The following DYNC1H1 variants were observed in gnomAD, a reference collection of about 807,000 sequenced individuals.
The protein encoded by DYNC1H1 is dynein cytoplasmic 1 heavy chain 1.
Under a neutral mutation model 527.1 loss-of-function variants are expected in DYNC1H1, and 51 were observed. The ratio of observed to expected loss-of-function variants is 0.10; its 90% confidence interval spans 0.08 to 0.12. The LOEUF (loss-of-function observed/expected upper bound fraction) is 0.12. DYNC1H1 is among the 10% of genes least tolerant of loss of function. The pLI is 1.00. For missense variants in DYNC1H1, 2,771 were observed against 5,971.8 expected (o/e 0.46, Z 17.66); for synonymous variants, 2,189 against 2,278.8 (o/e 0.96, Z 1.12).
intron 29 of DYNC1H1, 79 bp from the exon 30 acceptor site, chr14:102,009,764 T>G (rs2048237600): frequency 1.2e-6 from 2 of 1,607,980 alleles, no homozygotes; most frequent in Non-Finnish European, 1.7e-6. Flanking sequence ...CTTTGTCTGT[T>G]GTTTTAGAGA....
chr14:102,047,641 G>GTGTATATATATATATATATA lies in DYNC1H1; in HGVS notation c.13007-175_13007-174insGTATATATATATATATATAT. On this transcript the variant is annotated intron_variant, in intron 72 of 77. Transcript: ENST00000360184. Reference sequence around the variant, plus strand: ...TACACGTGTGTGTGTGTGTGTGTGTGTATATATATATATATATATATATGT... The same window carrying GTGTATATATATATATATATA: ...TACACGTGTGTGTGTGTGTGTGTGTGTGTATATATATATATATATATATATATATATATATATATATATGT... The GTGTATATATATATATATATA allele has an allele frequency of 6.2e-4, 197 of 316,694 alleles. 3 individuals are homozygous for GTGTATATATATATATATATA. The highest frequency in any genetic ancestry group is 4.9e-3 in the East Asian group (71 of 14,538). The allele number at this position is 316,694 out of a possible 1,614,324, so 19.6% of individuals were successfully genotyped here.
intron 34 of DYNC1H1, 148 bp from the exon 35 acceptor site, chr14:102,014,957 A>T: frequency 1.2e-6 from 1 of 855,692 alleles, no homozygotes. Flanking sequence ...CTGCAATTAC[A>T]GGCACACGCC....
intron 69 of DYNC1H1, chr14:102,043,106 A>G: frequency 2.9e-6 from 1 of 346,148 alleles, no homozygotes. Flanking sequence ...ACATGGTGAA[A>G]CTCCGTCTCT....
chr14:101,978,727 A>T (rs114530867), intron 2 of DYNC1H1, among the ~76,000 whole-genome samples: 24 of 152,314 alleles, frequency 1.6e-4, no homozygotes, highest in African/African-American at 5.8e-4. Flanking sequence ...AAGACTGGAG[A>T]GATTGCTTCT....
In DYNC1H1 at chr14:102,032,224, CTA is replaced by C. The variant is rs751088598; in HGVS notation, c.9884-46_9884-45del. On this transcript the variant is annotated intron_variant, in intron 51 of 77. Coordinates refer to ENST00000360184, the MANE Select transcript of DYNC1H1 (RefSeq NM_001376.5). ...TGGTTCATTCTCACCATGCTTTGCT[CTA>C]TCTTCTCCCACCCATCGACCCTCAT... The C allele has an allele frequency of 1.9e-6, 3 of 1,610,736 alleles. No homozygotes were observed. In the Admixed American group the frequency reaches 5.0e-5, roughly 27 times the overall value.
intron 10 of DYNC1H1, among the ~76,000 whole-genome samples, chr14:101,989,504 A>G (rs1389983644): frequency 6.6e-6 from 1 of 152,216 alleles, no homozygotes; most frequent in Non-Finnish European, 1.5e-5. Context: ...AGTAGGCCCT[A>G]TCTGCTGCTA....
At position 101,987,478 on chromosome 14, in the gene DYNC1H1, A is replaced by C; in HGVS notation, c.2564A>C (p.Glu855Ala). 1 of 1,614,170 alleles carries C rather than the reference A, an allele frequency of 6.2e-7. No homozygotes were observed. Among genetic ancestry groups the C allele is most frequent in the Non-Finnish European group, 8.5e-7 (1 of 1,180,012 alleles). The part of the protein sequence containing the change: ...EKVDDLLIIE[E>A]KIDLEVRSLE... ...GTGGATGATCTGCTGATCATTGAAG[A>C]AAAAATAGACCTAGAAGTCCGTTCC... Residue 855 changes from glutamate to alanine, a missense_variant, in exon 9 of 78, where the codon GAA becomes GCA. By Grantham distance (107) the Glu-to-Ala change is moderately radical. This residue lies in a region of DYNC1H1 where 179 missense variants were observed against 349.4 expected (regional missense o/e 0.51). Coordinates refer to ENST00000360184, the MANE Select transcript of DYNC1H1 (RefSeq NM_001376.5).
chr14:102,044,274 G>A lies in DYNC1H1; in HGVS notation c.12685G>A (p.Gly4229Ser). 1.2e-6 allele frequency: 2 copies of A among 1,613,944 alleles called. No individual in the cohort carries two copies. The highest frequency in any genetic ancestry group is 1.1e-5 in the South Asian group (1 of 91,072). ...VDTWLDDTAK[G>S]RQNISPDKIP... ...ACGAACCCTGCTTTTCCTCCCCCAGGGCAGGCAGAACATCTCACCGGATAA... is the reference window on the plus strand; with the variant it reads ...ACGAACCCTGCTTTTCCTCCCCCAGAGCAGGCAGAACATCTCACCGGATAA... Residue 4229 changes from glycine (G) to serine (S), a missense_variant and splice_region_variant, in exon 71 of 78, where the codon GGC (glycine) becomes AGC (serine). By Grantham distance (56) the Gly-to-Ser change is moderately conservative. Around this residue, in one of 32 missense-constraint regions of DYNC1H1, gnomAD observed 195 missense variants for 428.6 expected, o/e 0.45. Coordinates refer to ENST00000360184, the MANE Select transcript of DYNC1H1 (RefSeq NM_001376.5). This position sits in a 1 kb window ranked among gnomAD's most constrained non-coding sequence, Gnocchi z 7.1.
intron 43 of DYNC1H1, among the ~76,000 whole-genome samples, chr14:102,024,759 T>A (rs1205185258): frequency 6.7e-6 from 1 of 149,594 alleles, no homozygotes; most frequent in African/African-American, 2.5e-5. Context: ...CAGTGGTGCT[T>A]TCTCGGCTCA....
rs2048252293 is a variant in DYNC1H1 at position 102,010,983 on chromosome 14, C to T, written c.6618+31C>T. 1.2e-6 allele frequency: 2 copies of T among 1,611,112 alleles called. No homozygotes were observed. Among genetic ancestry groups the T allele is most frequent in the Non-Finnish European group, 1.7e-6 (2 of 1,177,372 alleles). On this transcript the variant is annotated intron_variant, in intron 32 of 77. Coordinates refer to ENST00000360184, the MANE Select transcript of DYNC1H1 (RefSeq NM_001376.5). This position sits in a 1 kb window ranked among gnomAD's most constrained non-coding sequence, Gnocchi z 6.0. ...TTGGATTGTTTCACTGGCCACTGCCCTCACAGACCCTGCTGGCTTTAGTGT... is the reference window on the plus strand; with the variant it reads ...TTGGATTGTTTCACTGGCCACTGCCTTCACAGACCCTGCTGGCTTTAGTGT...
At position 102,017,597 on chromosome 14, in the gene DYNC1H1, A is replaced by G. The variant is rs1315416628; in HGVS notation, c.8177+93A>G. ...CCACAAAAACCTGGTTTTGATAATA[A>G]AGACAACAATACTGCTTATTGTGGA... On this transcript the variant is annotated intron_variant, in intron 40 of 77. Transcript: ENST00000360184. The surrounding 1 kb of genome is among the most constrained non-coding windows in gnomAD (Gnocchi z 4.6). The G allele has an allele frequency of 1.3e-6, 2 of 1,599,858 alleles. No individual in the cohort carries two copies. The highest frequency in any genetic ancestry group is 2.7e-5 in the African/African-American group (2 of 74,528).
Position 102,027,852 on chromosome 14 carries a change from G to C in DYNC1H1, c.9263+19G>C. ...TCAACAGGTACGTGGGCCTTTACTT[G>C]GCTCTGGGTCAGGAAAGTCGGTGTC... On this transcript the variant is annotated intron_variant, in intron 47 of 77. Coordinates refer to ENST00000360184, the MANE Select transcript of DYNC1H1 (RefSeq NM_001376.5). The surrounding 1 kb of genome is among the most constrained non-coding windows in gnomAD (Gnocchi z 7.7). 1 of 1,614,154 alleles carries C rather than the reference G, an allele frequency of 6.2e-7. No individual in the cohort carries two copies. The highest frequency in any genetic ancestry group is 2.2e-5 in the East Asian group (1 of 44,880).
chr14:102,044,538 T>C lies in DYNC1H1; in HGVS notation c.12902+47T>C. ...TGGAGACAGTTGTGATGTCAGGGCGTCTGGTGTCACTCAGAGGTGACCCCT... is the reference window on the plus strand; with the variant it reads ...TGGAGACAGTTGTGATGTCAGGGCGCCTGGTGTCACTCAGAGGTGACCCCT... On this transcript the variant is annotated intron_variant, in intron 71 of 77. Coordinates refer to ENST00000360184, the MANE Select transcript of DYNC1H1 (RefSeq NM_001376.5). This position sits in a 1 kb window ranked among gnomAD's most constrained non-coding sequence, Gnocchi z 7.1. The C allele has an allele frequency of 6.2e-7, 1 of 1,614,068 alleles. No individual in the cohort carries two copies. The highest frequency in any genetic ancestry group is 2.2e-5 in the East Asian group (1 of 44,886).
In DYNC1H1 at chr14:101,987,494, A is replaced by G. The variant is rs1343789593; in HGVS notation, c.2580A>G (p.Glu860=). 6.2e-7 allele frequency: 1 copy of G among 1,614,070 alleles called. No homozygotes were observed. The highest frequency in any genetic ancestry group is 1.7e-5 in the Admixed American group (1 of 60,004). The change falls in exon 9 of 78, where the codon GAA becomes GAG. Residue 860 remains glutamate (E), a synonymous_variant. Transcript: ENST00000360184. The part of the protein sequence containing the change: ...LLIIEEKIDL[E]VRSLETCMYD... ...TCATTGAAGAAAAAATAGACCTAGA[A>G]GTCCGTTCCTTGGAAACTTGTATGT...
rs779821662 is a variant in DYNC1H1, at chr14:102,010,874, G to A, written c.6540G>A (p.Glu2180=). 10 of 1,614,250 alleles carry A rather than the reference G, an allele frequency of 6.2e-6. No homozygotes were observed. The Admixed American group carries it at 1.7e-4, about 27-fold the overall frequency. Residue 2180 remains glutamate, a synonymous_variant, in exon 32 of 78, where the codon GAG becomes GAA. Coordinates refer to ENST00000360184, the MANE Select transcript of DYNC1H1 (RefSeq NM_001376.5). This position sits in a 1 kb window ranked among gnomAD's most constrained non-coding sequence, Gnocchi z 6.0. ...YHRGEMTALR[E]ELKKVCQEMY... ...GGGGTGAGATGACTGCCCTTCGAGA[G>A]GAGCTGAAGAAAGTGTGTCAGGAGA...
intron 16 of DYNC1H1, among the ~76,000 whole-genome samples, chr14:101,999,122 T>G (rs1256323470): frequency 6.6e-6 from 1 of 152,122 alleles, no homozygotes; most frequent in Non-Finnish European, 1.5e-5. Context: ...GACCTCATGA[T>G]CTGCCCACCT....
chr14:102,036,321 T>G lies in DYNC1H1; in HGVS notation c.10755-168T>G. ...TCAAAAGGATGAGGTGATGTTAGCA[T>G]TAAGCATGTAAGCTTTATTGGTAAA... On this transcript the variant is annotated intron_variant, in intron 56 of 77. Transcript: ENST00000360184. This position sits in a 1 kb window ranked among gnomAD's most constrained non-coding sequence, Gnocchi z 5.6. The G allele has an allele frequency of 1.3e-6, 1 of 769,676 alleles. No homozygotes were observed. Among genetic ancestry groups the G allele is most frequent in the Non-Finnish European group, 2.2e-6 (1 of 454,200 alleles). The allele number at this position is 769,676 out of a possible 1,614,324, so 47.7% of individuals were successfully genotyped here. A position where few individuals can be genotyped will look rare whatever the true frequency, so the allele number is the denominator to read the frequency against.
At chr14:101,987,396 G>A (rs570060178) in intron 8 of DYNC1H1, 57 bp from the exon 9 acceptor site, 3 of 1,529,772 alleles carry the variant, frequency 2.0e-6, no homozygotes, top group Admixed American at 3.6e-5. Context: ...TGTTATGTGA[G>A]AATAAAGGAA....
At position 101,985,618 on chromosome 14, in the gene DYNC1H1, C is replaced by T. The variant is rs2047928008; in HGVS notation, c.1462-69C>T. ...GGATTACAGGTGTGAGCCACTGCACCCGGCTTAAAATAAATTTTAAAGCCT... is the reference window on the plus strand; with the variant it reads ...GGATTACAGGTGTGAGCCACTGCACTCGGCTTAAAATAAATTTTAAAGCCT... On this transcript the variant is annotated intron_variant, in intron 7 of 77. Transcript: ENST00000360184. This position sits in a 1 kb window ranked among gnomAD's most constrained non-coding sequence, Gnocchi z 5.9. 2 of 1,578,190 alleles carry T rather than the reference C, an allele frequency of 1.3e-6. No homozygotes were observed. Among genetic ancestry groups the T allele is most frequent in the South Asian group, 1.1e-5 (1 of 89,902 alleles).
Sources: allele counts gnomAD v4.1 joint callset (sites outside exome capture counted in the v4.1 genomes callset), GRCh38; gene constraint gnomAD v4.1.1; regional missense constraint gnomAD v4.1.1; non-coding constraint Gnocchi (gnomAD v3.1); transcripts MANE v1.5; gene names NCBI Gene and HGNC (gene_info 2026-07-23, HGNC 2026-07-21).